XKR4: variants seen among roughly 807,000 people sequenced by gnomAD.
XKR4 encodes the protein XK-related protein 4.
In XKR4, 12 loss-of-function variants were observed where a neutral mutation model predicts 53.9. The observed-to-expected ratio is 0.22, with a 90% CI of 0.14 to 0.36. The LOEUF (loss-of-function observed/expected upper bound fraction) is 0.36, where lower values mean the gene tolerates loss of function less well. Among genes scored for constraint, XKR4 ranks in the 10% least tolerant of loss-of-function variants. The probability of loss-of-function intolerance (pLI) is 1.00; values close to 1 mark genes in which losing one functional copy is unlikely to be tolerated. For synonymous variants in XKR4, 354 were observed against 362.4 expected (o/e 0.98, Z 0.26); for missense variants, 799 against 859.5 (o/e 0.93, Z 0.88).
intron 2 of XKR4, among the ~76,000 whole-genome samples, chr8:55,403,531 G>T (rs1176894589): frequency 1.3e-5 from 2 of 152,194 alleles, no homozygotes; most frequent in African/African-American, 2.4e-5. Context: ...TAGCCTTTTG[G>T]CAGTCAGCCA....
chr8:55,272,647 T>G lies in XKR4; in HGVS notation c.807-85031T>G, dbSNP rs1818708089. Among the ~76,000 whole-genome samples the G allele has an allele frequency of 2.0e-5, 3 of 152,314 alleles. No individual in the cohort carries two copies. In the South Asian group the frequency reaches 6.2e-4, roughly 32 times the overall value. On this transcript the variant is annotated intron_variant, in intron 1 of 2. Transcript: ENST00000327381. ...CTTCCCTGCCAGTATGTTCAGTGCC[T>G]GCATGCCTCTCTCACAGAGTAACTA...
At chr8:55,255,672 A>G (rs544769018) in intron 1 of XKR4, among the ~76,000 whole-genome samples, 7 of 152,336 alleles carry the variant, frequency 4.6e-5, no homozygotes, top group African/African-American at 1.7e-4. Context: ...CAAGAATTGT[A>G]ATTAAACATA....
chr8:55,236,876 ACTCT>A (rs763279954), intron 1 of XKR4, among the ~76,000 whole-genome samples: 29 of 151,572 alleles, frequency 1.9e-4, no homozygotes, highest in Non-Finnish European at 3.2e-4. Context: ...CCTTGTCTGG[ACTCT>A]CTCTCCCTCT....
chr8:55,414,054 A>G lies in XKR4; in HGVS notation c.1006+56177A>G, dbSNP rs147127739. ...TGATCACATGTTATAAAATTCCTTC[A>G]TCATAAAGAAATAATGAAGCCATGT... On this transcript the variant is annotated intron_variant, in intron 2 of 2. Transcript: ENST00000327381. 1.2e-3 allele frequency among the ~76,000 whole-genome samples: 177 copies of G among 152,358 alleles called. 2 individuals are homozygous for G. Among genetic ancestry groups the G allele is most frequent in the African/African-American group, 4.0e-3 (168 of 41,572 alleles).
intron 2 of XKR4, chr8:55,521,087 A>C (rs1196641807): frequency 1.3e-5 from 2 of 152,254 alleles, no homozygotes; most frequent in African/African-American, 4.8e-5. Flanking sequence ...GCTGTGCCCC[A>C]GCTGTGCTGA....
rs148269850 is a variant in XKR4, at chr8:55,462,750, C to T, written c.1007-60531C>T. Among the ~76,000 whole-genome samples the T allele has an allele frequency of 3.2e-3, 483 of 152,174 alleles. 1 individual carries two copies. The highest frequency in any genetic ancestry group is 0.011 in the African/African-American group (451 of 41,504). On this transcript the variant is annotated intron_variant, in intron 2 of 2. Coordinates refer to ENST00000327381, the MANE Select transcript of XKR4 (RefSeq NM_052898.2). ...AACCCATCTCACGTGCAGAGACACA[C>T]ATAGGCTCAAAATAAAGGCATGGAG...
rs1803690892 is a variant in XKR4, at chr8:55,348,993, T to G, written c.807-8685T>G. ...ACCCACACAAATCAGAGTCTCAAGA[T>G]GTCTTGGAGCCCAGGTAGCTGAAAG... On this transcript the variant is annotated intron_variant, in intron 1 of 2. Coordinates refer to ENST00000327381, the MANE Select transcript of XKR4 (RefSeq NM_052898.2). Among the ~76,000 whole-genome samples the G allele has an allele frequency of 4.6e-5, 7 of 152,210 alleles. No individual in the cohort carries two copies. In the South Asian group the frequency reaches 1.5e-3, roughly 32 times the overall value.
chr8:55,517,267 G>C (rs1459511565), intron 2 of XKR4: 1 of 149,800 alleles, frequency 6.7e-6, no homozygotes, highest in Non-Finnish European at 1.5e-5. Context: ...CTTGTGCTCT[G>C]TCGATATATA....
chr8:55,107,430 C>T (rs1816165846), intron 1 of XKR4, among the ~76,000 whole-genome samples: 1 of 152,088 alleles, frequency 6.6e-6, no homozygotes, highest in South Asian at 2.1e-4. Context: ...CTGTGGATGG[C>T]AAAGTGGGAA....
chr8:55,206,318 T>C (rs1015704062), intron 1 of XKR4, among the ~76,000 whole-genome samples: 2 of 152,134 alleles, frequency 1.3e-5, no homozygotes. Flanking sequence ...TACAGAGGGC[T>C]GATTGGTGCA....
chr8:55,151,163 G>A (rs1444824499), intron 1 of XKR4, among the ~76,000 whole-genome samples: 3 of 152,156 alleles, frequency 2.0e-5, no homozygotes, highest in East Asian at 1.9e-4. Flanking sequence ...AGACAGTTAA[G>A]GCAATATTAG....
chr8:55,121,831 A>T (rs926625539), intron 1 of XKR4, among the ~76,000 whole-genome samples: 24 of 64,226 alleles, frequency 3.7e-4, no homozygotes, highest in African/African-American at 1.4e-3. Context: ...CAAATACAAC[A>T]TTACACACAC....
chr8:55,289,714 AG>A (rs1224014773), intron 1 of XKR4, among the ~76,000 whole-genome samples: 1 of 77,262 alleles, frequency 1.3e-5, no homozygotes, highest in East Asian at 4.0e-4. Flanking sequence ...AGAAAGAAAG[AG>A]AGAGAAAGAG....
chr8:55,337,921 C>A (rs1212607310), intron 1 of XKR4, among the ~76,000 whole-genome samples: 1 of 152,172 alleles, frequency 6.6e-6, no homozygotes, highest in Non-Finnish European at 1.5e-5. Flanking sequence ...CATTTGGTTA[C>A]CTTGCTGCCA....
intron 1 of XKR4, among the ~76,000 whole-genome samples, chr8:55,278,318 CAG>C (rs906801747): frequency 1.6e-5 from 2 of 124,612 alleles, no homozygotes; most frequent in African/African-American, 6.0e-5. Context: ...GTCTGGGTAA[CAG>C]AGCAAGATCC....
At chr8:55,316,808 A>T (rs1228466443) in intron 1 of XKR4, among the ~76,000 whole-genome samples, 1 of 152,196 alleles carries the variant, frequency 6.6e-6, no homozygotes, top group Non-Finnish European at 1.5e-5. Context: ...TATGGTTTGG[A>T]CTGAATTAAA....
At chr8:55,369,373 AGGGG>A in intron 2 of XKR4, among the ~76,000 whole-genome samples, 3 of 11,156 alleles carry the variant, frequency 2.7e-4, no homozygotes, top group Non-Finnish European at 4.3e-4. Flanking sequence ...AGGGAAGGGG[AGGGG>A]AGGGGAGGGG....
intron 2 of XKR4, among the ~76,000 whole-genome samples, chr8:55,463,256 A>G (rs940865242): frequency 3.3e-5 from 5 of 152,350 alleles, no homozygotes; most frequent in East Asian, 1.9e-4. Flanking sequence ...GTAAAAGAAC[A>G]CAAATTATAA....
At chr8:55,241,021 G>C (rs975569400) in intron 1 of XKR4, among the ~76,000 whole-genome samples, 7 of 152,200 alleles carry the variant, frequency 4.6e-5, no homozygotes, top group African/African-American at 1.7e-4. Context: ...GCAGGGCCAA[G>C]CAGCCTGTCT....
Sources: allele counts gnomAD v4.1 joint callset (sites outside exome capture counted in the v4.1 genomes callset), GRCh38; gene constraint gnomAD v4.1.1; transcripts MANE v1.5; gene names NCBI Gene and HGNC (gene_info 2026-07-23, HGNC 2026-07-21).